KITLG: variants seen among roughly 807,000 people sequenced by gnomAD.
KITLG encodes c-Kit ligand.
Under a neutral mutation model 34.1 loss-of-function variants are expected in KITLG, and 13 were observed. The ratio of observed to expected loss-of-function variants is 0.38; its 90% CI spans 0.25 to 0.61. The LOEUF (loss-of-function observed/expected upper bound fraction) is 0.61. Among genes scored for constraint, KITLG ranks in the 20% least tolerant of loss-of-function variants. The probability of loss-of-function intolerance (pLI) is 0.60; values close to 1 mark genes in which losing one functional copy is unlikely to be tolerated. For synonymous variants in KITLG, 110 were observed against 104.0 expected (o/e 1.06, Z -0.35); for missense variants, 292 against 318.9 (o/e 0.92, Z 0.64).
intron 6 of KITLG, among the ~76,000 whole-genome samples, chr12:88,513,831 T>C (rs1449992549): frequency 6.6e-6 from 1 of 151,662 alleles, no homozygotes; most frequent in Non-Finnish European, 1.5e-5. Flanking sequence ...ATATTTTCAA[T>C]TCCCTTTTCT....
chr12:88,532,796 T>TCATG (rs1279778225), intron 2 of KITLG, among the ~76,000 whole-genome samples: 1 of 152,202 alleles, frequency 6.6e-6, no homozygotes, highest in Non-Finnish European at 1.5e-5. Context: ...AGCTTCCACC[T>TCATG]GTGATCTTGG....
intron 1 of KITLG, among the ~76,000 whole-genome samples, chr12:88,554,258 A>G (rs1285536342): frequency 2.0e-5 from 3 of 152,208 alleles, no homozygotes; most frequent in Admixed American, 2.0e-4. Context: ...CTAAACTTGG[A>G]AAAACAAAAA....
intron 1 of KITLG, among the ~76,000 whole-genome samples, chr12:88,548,473 A>G (rs1196118913): frequency 6.6e-6 from 1 of 151,938 alleles, no homozygotes; most frequent in South Asian, 2.1e-4. Context: ...AAAAAGTTAG[A>G]TAACAAAAGA....
chr12:88,566,455 A>T (rs1376697404), intron 1 of KITLG, among the ~76,000 whole-genome samples: 4 of 152,208 alleles, frequency 2.6e-5, no homozygotes, highest in African/African-American at 7.2e-5. Context: ...TTGTTTTTTT[A>T]AATGCTACAG....
At chr12:88,571,487 A>C (rs1312414226) in intron 1 of KITLG, among the ~76,000 whole-genome samples, 1 of 152,206 alleles carries the variant, frequency 6.6e-6, no homozygotes, top group Non-Finnish European at 1.5e-5. Context: ...CATTCACTGA[A>C]AATTAATGCT....
At position 88,504,448 on chromosome 12, in the gene KITLG, C is replaced by T. The variant is rs536023833; in HGVS notation, c.*37+711G>A. On this transcript the variant is annotated intron_variant, in intron 9 of 9. Transcript: ENST00000644744. ...TCAAACAACCCCATCAAAAAGTGGGCGAAGGATATGAACAGACACTTCTCA... is the reference window on the plus strand; with the variant it reads ...TCAAACAACCCCATCAAAAAGTGGGTGAAGGATATGAACAGACACTTCTCA... Among the ~76,000 whole-genome samples the T allele has an allele frequency of 6.5e-4, 99 of 152,128 alleles. 1 individual carries two copies. Among genetic ancestry groups the T allele is most frequent in the African/African-American group, 2.3e-3 (94 of 41,492 alleles).
chr12:88,558,307 TCCCCC>T (rs1277284750), intron 1 of KITLG, among the ~76,000 whole-genome samples: 1 of 151,816 alleles, frequency 6.6e-6, no homozygotes, highest in Non-Finnish European at 1.5e-5. Context: ...TCAACAAAGT[TCCCCC>T]CACCCCTCAC....
chr12:88,556,286 C>T (rs1053144824), intron 1 of KITLG, among the ~76,000 whole-genome samples: 1 of 149,366 alleles, frequency 6.7e-6, no homozygotes, highest in Non-Finnish European at 1.5e-5. Flanking sequence ...ATTTAGATTT[C>T]ATTTTAAAAG....
At chr12:88,552,635 C>T (rs1449266008) in intron 1 of KITLG, among the ~76,000 whole-genome samples, 3 of 152,136 alleles carry the variant, frequency 2.0e-5, no homozygotes, top group Non-Finnish European at 4.4e-5. Flanking sequence ...TGAATTGCCT[C>T]TGCCAGAATT....
intron 3 of KITLG, among the ~76,000 whole-genome samples, chr12:88,526,367 A>G (rs901786949): frequency 1.3e-5 from 2 of 152,208 alleles, no homozygotes; most frequent in Admixed American, 6.5e-5. Context: ...CTGTGTGACG[A>G]GTTATAGGCA....
chr12:88,541,609 C>T (rs1408698922), intron 2 of KITLG, among the ~76,000 whole-genome samples: 1 of 152,096 alleles, frequency 6.6e-6, no homozygotes, highest in Non-Finnish European at 1.5e-5. Flanking sequence ...GTTATAAAAG[C>T]TTGATTCATC....
chr12:88,517,161 GTTCAA>G (rs1566021503), intron 4 of KITLG, among the ~76,000 whole-genome samples: 1 of 151,926 alleles, frequency 6.6e-6, no homozygotes, highest in African/African-American at 2.4e-5. Flanking sequence ...AATTAGTGGA[GTTCAA>G]TTCAAGAGAA....
chr12:88,522,352 A>C (rs1288053122), intron 3 of KITLG, among the ~76,000 whole-genome samples: 1 of 151,772 alleles, frequency 6.6e-6, no homozygotes, highest in Non-Finnish European at 1.5e-5. Context: ...CTCCTGCCTC[A>C]TTCAAGAAAC....
chr12:88,552,346 TTTTC>T (rs1315898924), intron 1 of KITLG, among the ~76,000 whole-genome samples: 2 of 149,126 alleles, frequency 1.3e-5, no homozygotes, highest in Non-Finnish European at 3.0e-5. Flanking sequence ...GGCCTTTTTC[TTTTC>T]TTTTTTTTTT....
intron 2 of KITLG, among the ~76,000 whole-genome samples, chr12:88,543,829 T>G (rs1870608881): frequency 6.6e-6 from 1 of 152,156 alleles, no homozygotes; most frequent in Non-Finnish European, 1.5e-5. Flanking sequence ...GTAGACTTAT[T>G]TTTTTCCTTC....
At chr12:88,558,447 T>C (rs1871175104) in intron 1 of KITLG, among the ~76,000 whole-genome samples, 1 of 152,202 alleles carries the variant, frequency 6.6e-6, no homozygotes, top group African/African-American at 2.4e-5. Context: ...TCAAAGAACG[T>C]TCACAATCTT....
At chr12:88,502,136 G>A (rs1330966845) in intron 9 of KITLG, among the ~76,000 whole-genome samples, 1 of 152,164 alleles carries the variant, frequency 6.6e-6, no homozygotes, top group Non-Finnish European at 1.5e-5. Context: ...GGCACTTTGT[G>A]AAGGAGAATG....
intron 6 of KITLG, among the ~76,000 whole-genome samples, chr12:88,509,253 C>A (rs1869184958): frequency 1.3e-5 from 2 of 152,242 alleles, no homozygotes; most frequent in Middle Eastern, 3.4e-3. Flanking sequence ...ATCAAGGTAG[C>A]CAAACACCAT....
At chr12:88,578,383 C>T (rs1388250421) in intron 1 of KITLG, among the ~76,000 whole-genome samples, 2 of 152,196 alleles carry the variant, frequency 1.3e-5, no homozygotes, top group African/African-American at 2.4e-5. Context: ...TGCACTTTAA[C>T]TTGTGTGATG....
Sources: allele counts gnomAD v4.1 joint callset (sites outside exome capture counted in the v4.1 genomes callset), GRCh38; gene constraint gnomAD v4.1.1; transcripts MANE v1.5; gene names NCBI Gene and HGNC (gene_info 2026-07-23, HGNC 2026-07-21).